The following BEND4 variants were observed in gnomAD, a reference collection of about 807,000 sequenced individuals.
The protein encoded by BEND4 is BEN domain-containing protein 4.
Under a neutral mutation model 54.7 loss-of-function variants are expected in BEND4, and 27 were observed. The ratio of observed to expected loss-of-function variants is 0.49; its 90% CI spans 0.36 to 0.68. The LOEUF (loss-of-function observed/expected upper bound fraction) is 0.68, where lower values mean the gene tolerates loss of function less well. Ranked by LOEUF, BEND4 falls within the 30% of genes least tolerant of loss-of-function variation. The pLI, the probability that BEND4 is intolerant of heterozygous loss-of-function variation, is 0.00. For missense variants in BEND4, 702 were observed against 697.2 expected (o/e 1.01, Z -0.08); for synonymous variants, 327 against 299.5 (o/e 1.09, Z -0.95).
chr4:42,126,391 G>C (rs1449846317), intron 3 of BEND4, among the ~76,000 whole-genome samples: 2 of 152,172 alleles, frequency 1.3e-5, no homozygotes, highest in Non-Finnish European at 1.5e-5. Context: ...TGTTTCTAAT[G>C]ATGGATTCAT....
At chr4:42,137,618 A>G (rs1488374552) in intron 3 of BEND4, among the ~76,000 whole-genome samples, 4 of 152,230 alleles carry the variant, frequency 2.6e-5, no homozygotes, top group Non-Finnish European at 5.9e-5. Flanking sequence ...CACAAAAGCA[A>G]AAATTTTAAA....
intron 3 of BEND4, 99 bp from the exon 4 acceptor site, chr4:42,125,773 C>A: frequency 1.4e-6 from 1 of 728,606 alleles, no homozygotes; most frequent in Non-Finnish European, 2.2e-6. Context: ...AGAGGTCTTA[C>A]TGGCACCCAT....
In BEND4 at chr4:42,117,580, C is replaced by A. The variant is rs564826071; in HGVS notation, c.1543G>T (p.Asp515Tyr). Residue 515 changes from aspartate (D) to tyrosine (Y), a missense_variant, in exon 6 of 6, where the codon GAT (aspartate) becomes TAT (tyrosine). Coordinates refer to ENST00000502486, the MANE Select transcript of BEND4 (RefSeq NM_207406.4). ...HNGGSFYEGIDHQASQDEVFN... is the reference protein window; with the variant it reads ...HNGGSFYEGIYHQASQDEVFN... ...ACTTCATCCTGAGAAGCCTGGTGAT[C>A]GATCCCTTCATAAAATGAGCCACCG... 6.2e-7 allele frequency: 1 copy of A among 1,613,152 alleles called. No homozygotes were observed. The highest frequency in any genetic ancestry group is 8.5e-7 in the Non-Finnish European group (1 of 1,179,590).
rs1246623655 is a variant in BEND4, at chr4:42,151,342, C to G, written c.487+315G>C. The G allele has an allele frequency of 1.5e-5, 3 of 206,608 alleles. No homozygotes were observed. The East Asian group carries it at 2.4e-4, about 16-fold the overall frequency. 12.8% of individuals were successfully genotyped at this position (206,608 alleles called of 1,614,324 possible). On this transcript the variant is annotated intron_variant, in intron 2 of 5. Transcript: ENST00000502486. ...TCTTCCCGAGCGGCCGCCGCTATCC[C>G]CCGGGGGGGCGTCTGGCCCCACTCC...
intron 3 of BEND4, among the ~76,000 whole-genome samples, chr4:42,137,707 A>AT: frequency 6.6e-6 from 1 of 152,204 alleles, no homozygotes; most frequent in Non-Finnish European, 1.5e-5. Context: ...TGAAAAAAAA[A>AT]TTTTGCAAAC....
Position 42,112,710 on chromosome 4 carries a change from C to A in BEND4, c.*4808G>T, listed in dbSNP as rs952302062. The A allele has an allele frequency of 2.0e-5, 3 of 152,064 alleles. No homozygotes were observed. Among genetic ancestry groups the A allele is most frequent in the African/African-American group, 7.2e-5 (3 of 41,400 alleles). 9.4% of individuals were successfully genotyped at this position (152,064 alleles called of 1,614,324 possible). On this transcript the variant is annotated 3_prime_UTR_variant, in exon 6 of 6. Transcript: ENST00000502486. ...TAACCTGCAACTGAACATATTGTGG[C>A]GTGTGAAAGTGGTCTCTAATGTGTA...
chr4:42,112,418 C>CA lies in BEND4; in HGVS notation c.*5099dup, dbSNP rs1211240506. The stretch of plus-strand genomic sequence containing the variant: ...GGCCCAAATAGTTTTCCAATGTGGC[C>CA]AGGATACATCTGGCCACTTGTACTG... On this transcript the variant is annotated 3_prime_UTR_variant, in exon 6 of 6. Coordinates refer to ENST00000502486, the MANE Select transcript of BEND4 (RefSeq NM_207406.4). 3 of 152,130 alleles carry CA rather than the reference C, an allele frequency of 2.0e-5. No homozygotes were observed. The highest frequency in any genetic ancestry group is 2.0e-4 in the Admixed American group (3 of 15,276). 9.4% of individuals were successfully genotyped at this position (152,130 alleles called of 1,614,324 possible).
chr4:42,135,267 T>C (rs1216203602), intron 3 of BEND4, among the ~76,000 whole-genome samples: 1 of 152,160 alleles, frequency 6.6e-6, no homozygotes, highest in African/African-American at 2.4e-5. Context: ...TCTGGATGGA[T>C]CTGAGGTCCC....
intron 3 of BEND4, among the ~76,000 whole-genome samples, chr4:42,129,917 A>G (rs1369319955): frequency 6.6e-6 from 1 of 152,234 alleles, no homozygotes; most frequent in African/African-American, 2.4e-5. Flanking sequence ...GATCCAAGTA[A>G]AAGCTTCTGC....
chr4:42,149,341 A>G (rs1721183224), intron 2 of BEND4, among the ~76,000 whole-genome samples: 1 of 152,218 alleles, frequency 6.6e-6, no homozygotes, highest in Non-Finnish European at 1.5e-5. Context: ...TGTGCCTGTT[A>G]AGAGATGGCT....
chr4:42,133,362 C>T (rs1305950760), intron 3 of BEND4, among the ~76,000 whole-genome samples: 1 of 152,156 alleles, frequency 6.6e-6, no homozygotes, highest in Non-Finnish European at 1.5e-5. Context: ...TTATTTAAAG[C>T]CACACACATA....
At chr4:42,125,249 G>A (rs1720226714) in intron 4 of BEND4, among the ~76,000 whole-genome samples, 1 of 152,192 alleles carries the variant, frequency 6.6e-6, no homozygotes, top group African/African-American at 2.4e-5. Context: ...CCAGAGTGAG[G>A]GGCATGTGGA....
chr4:42,121,498 T>G (rs35741556), intron 4 of BEND4, among the ~76,000 whole-genome samples: 3 of 152,064 alleles, frequency 2.0e-5, no homozygotes, highest in African/African-American at 7.3e-5. Flanking sequence ...CTGTGTCTTA[T>G]TAGACTAACG....
intron 4 of BEND4, among the ~76,000 whole-genome samples, chr4:42,125,333 G>A (rs1720230588): frequency 2.0e-5 from 3 of 152,144 alleles, no homozygotes; most frequent in Admixed American, 2.0e-4. Flanking sequence ...CAGAATGGTG[G>A]AAAAATTGCC....
intron 3 of BEND4, among the ~76,000 whole-genome samples, chr4:42,127,195 T>C (rs1364876909): frequency 1.3e-5 from 2 of 152,210 alleles, no homozygotes; most frequent in African/African-American, 4.8e-5. Flanking sequence ...CAACATCCTT[T>C]TGAAGAATTT....
At chr4:42,131,044 C>G (rs1268088907) in intron 3 of BEND4, among the ~76,000 whole-genome samples, 1 of 151,954 alleles carries the variant, frequency 6.6e-6, no homozygotes, top group Non-Finnish European at 1.5e-5. Context: ...TGGAGGGAAA[C>G]AATACACACT....
intron 3 of BEND4, among the ~76,000 whole-genome samples, chr4:42,130,670 C>G (rs747791897): frequency 3.3e-5 from 5 of 152,076 alleles, no homozygotes; most frequent in Non-Finnish European, 7.4e-5. Context: ...CCTCAAAGAC[C>G]TAGAACGAGA....
In BEND4 at chr4:42,143,810, C is replaced by G. The variant is rs139053577; in HGVS notation, c.672G>C (p.Gln224His). Residue 224 changes from glutamine to histidine, a missense_variant, in exon 3 of 6, where the codon CAG (glutamine) becomes CAC (histidine). Gln to His is a conservative substitution (Grantham distance 24, BLOSUM62 0). Coordinates refer to ENST00000502486, the MANE Select transcript of BEND4 (RefSeq NM_207406.4). ...HCHIGKGVHSQTSDNVDIEMQ... is the reference protein window; with the variant it reads ...HCHIGKGVHSHTSDNVDIEMQ... ...TCTCTATGTCTACATTGTCTGAGGT[C>G]TGACTGTGGACCCCTTTCCCAATGT... is the stretch of plus-strand genomic sequence containing the variant. The G allele has an allele frequency of 1.2e-4, 194 of 1,599,966 alleles. No homozygotes were observed. The highest frequency in any genetic ancestry group is 1.6e-4 in the Non-Finnish European group (186 of 1,173,222).
In BEND4 at chr4:42,139,692, T is replaced by C. The variant is rs1015992823; in HGVS notation, c.1054+3736A>G. Among the ~76,000 whole-genome samples the C allele has an allele frequency of 7.9e-5, 12 of 152,172 alleles. No individual in the cohort carries two copies. In the East Asian group the frequency reaches 2.3e-3, roughly 29 times the overall value. ...CCTGCAGTAGCTGACCCATCTCCTT[T>C]TCAACCTTATTTTCTGTGCTAACTG... On this transcript the variant is annotated intron_variant, in intron 3 of 5. Coordinates refer to ENST00000502486, the MANE Select transcript of BEND4 (RefSeq NM_207406.4).
Sources: gnomAD v4.1 joint callset for allele counts (sites outside exome capture counted in the v4.1 genomes callset) on GRCh38, gnomAD v4.1.1 for gene constraint, MANE v1.5 for transcripts, NCBI Gene and HGNC (gene_info 2026-07-23, HGNC 2026-07-21) for gene names.